GRIN2B: variants seen among roughly 807,000 people sequenced by gnomAD.
GRIN2B encodes the protein glutamate receptor ionotropic, NMDA 2B.
Under a neutral mutation model 114.5 loss-of-function variants are expected in GRIN2B, and 5 were observed. The ratio of observed to expected loss-of-function variants is 0.04; its 90% confidence interval spans 0.02 to 0.09. The LOEUF (loss-of-function observed/expected upper bound fraction) is 0.09. Among genes scored for constraint, GRIN2B ranks in the 10% least tolerant of loss-of-function variants. The probability of loss-of-function intolerance (pLI) is 1.00; values close to 1 mark genes in which losing one functional copy is unlikely to be tolerated. For synonymous variants in GRIN2B, 787 were observed against 745.1 expected (o/e 1.06, Z -0.92); for missense variants, 1,108 against 1,943.5 (o/e 0.57, Z 8.08).
At chr12:13,634,286 C>T (rs988371362) in intron 5 of GRIN2B, 3 of 152,190 alleles carry the variant, frequency 2.0e-5, no homozygotes, top group African/African-American at 7.2e-5. Context: ...TTGAGAAAGA[C>T]GTTATAACTT....
At chr12:13,887,414 GA>G (rs995515627) in intron 2 of GRIN2B, among the ~76,000 whole-genome samples, 3 of 151,224 alleles carry the variant, frequency 2.0e-5, no homozygotes, top group Non-Finnish European at 3.0e-5. Flanking sequence ...ATCTTCACAG[GA>G]AAAAAAAGTT....
chr12:13,693,425 C>T (rs1371102165), intron 4 of GRIN2B, among the ~76,000 whole-genome samples: 1 of 151,850 alleles, frequency 6.6e-6, no homozygotes, highest in East Asian at 1.9e-4. Flanking sequence ...TGGCATATAC[C>T]TTATAGCCCT....
At chr12:13,917,252 C>G (rs563143834) in intron 2 of GRIN2B, among the ~76,000 whole-genome samples, 1 of 152,172 alleles carries the variant, frequency 6.6e-6, no homozygotes, top group African/African-American at 2.4e-5. Context: ...CATAACCCTG[C>G]TAATCAAAAC....
intron 3 of GRIN2B, among the ~76,000 whole-genome samples, chr12:13,757,757 C>T (rs1001345926): frequency 2.0e-5 from 3 of 152,052 alleles, no homozygotes; most frequent in African/African-American, 7.2e-5. Flanking sequence ...GTACACTAGA[C>T]CCTAACAGTC....
intron 10 of GRIN2B, among the ~76,000 whole-genome samples, chr12:13,575,586 G>A (rs1225478331): frequency 6.6e-6 from 1 of 152,084 alleles, no homozygotes. Context: ...TTGAGCCCAG[G>A]AGGTGGAGGT....
rs1948559019 is a variant in GRIN2B at position 13,562,565 on chromosome 12, G to C, written c.*218C>G. 16 of 578,766 alleles carry C rather than the reference G, an allele frequency of 2.8e-5. No individual in the cohort carries two copies. Among genetic ancestry groups the C allele is most frequent in the South Asian group, 1.4e-4 (7 of 48,358 alleles). 35.9% of individuals were successfully genotyped at this position (578,766 alleles called of 1,614,324 possible). A position where few individuals can be genotyped will look rare whatever the true frequency, so the allele number is the denominator to read the frequency against. ...ATGGGAACAGGAATGGCTGACAGCGGGGGGAAGAAGGAGAGAACTGTGAAA... is the reference window on the plus strand; with the variant it reads ...ATGGGAACAGGAATGGCTGACAGCGCGGGGAAGAAGGAGAGAACTGTGAAA... On this transcript the variant is annotated 3_prime_UTR_variant, in exon 14 of 14. Transcript: ENST00000609686.
chr12:13,811,953 A>G (rs1864738129), intron 3 of GRIN2B, among the ~76,000 whole-genome samples: 1 of 152,242 alleles, frequency 6.6e-6, no homozygotes, highest in African/African-American at 2.4e-5. Flanking sequence ...CTGAAACTGC[A>G]TGCAGCATTT....
chr12:13,598,018 C>T (rs1949098106), intron 10 of GRIN2B, among the ~76,000 whole-genome samples: 1 of 152,184 alleles, frequency 6.6e-6, no homozygotes, highest in South Asian at 2.1e-4. Context: ...TGTTCTCCTC[C>T]CACTCTAGGG....
Position 13,616,655 on chromosome 12 carries a change from C to T in GRIN2B, c.1128G>A (p.Val376=). 1 of 1,612,056 alleles carries T rather than the reference C, an allele frequency of 6.2e-7. No individual in the cohort carries two copies. Among genetic ancestry groups the T allele is most frequent in the Non-Finnish European group, 8.5e-7 (1 of 1,178,104 alleles). ...LLNKERKWER[V]GKWKDKSLQM... ...GCAGGGACTTGTCTTTCCACTTCCC[C>T]ACCTGCACAAGGATGAACACAAGAA... is the stretch of plus-strand genomic sequence containing the variant. The change falls in exon 6 of 14, where the codon GTG becomes GTA. Residue 376 remains valine (V), a splice_region_variant and synonymous_variant. Coordinates refer to ENST00000609686, the MANE Select transcript of GRIN2B (RefSeq NM_000834.5).
At chr12:13,661,711 G>A (rs1156384166) in intron 5 of GRIN2B, among the ~76,000 whole-genome samples, 1 of 152,158 alleles carries the variant, frequency 6.6e-6, no homozygotes, top group Admixed American at 6.6e-5. Context: ...ACTTGCAGGG[G>A]GCTGAGATGA....
In GRIN2B at chr12:13,962,089, T is replaced by TACACACACACACACACACACACACACAC. The variant is rs143658576; in HGVS notation, c.-19+17811_-19+17838dup. ...TCTCAGATTCTGTCTCTCTCATACA[T>TACACACACACACACACACACACACACAC]ACACACACACACACACACACACACA... On this transcript the variant is annotated intron_variant, in intron 2 of 13. Transcript: ENST00000609686. Among the ~76,000 whole-genome samples the TACACACACACACACACACACACACACAC allele has an allele frequency of 4.8e-5, 7 of 145,344 alleles. No homozygotes were observed. In the South Asian group the frequency reaches 6.8e-4, roughly 14 times the overall value.
At chr12:13,780,128 TACC>T (rs1864079938) in intron 3 of GRIN2B, among the ~76,000 whole-genome samples, 1 of 152,020 alleles carries the variant, frequency 6.6e-6, no homozygotes, top group African/African-American at 2.4e-5. Flanking sequence ...CCTAGAAGAG[TACC>T]ATACCTTTAC....
chr12:13,591,267 G>A (rs1265691947), intron 10 of GRIN2B, among the ~76,000 whole-genome samples: 13 of 152,198 alleles, frequency 8.5e-5, no homozygotes, highest in Admixed American at 8.5e-4. Flanking sequence ...TGTATTTGTA[G>A]CAGTTTGTGG....
intron 10 of GRIN2B, among the ~76,000 whole-genome samples, chr12:13,581,904 T>C (rs1351023394): frequency 2.5e-4 from 27 of 109,106 alleles, no homozygotes; most frequent in Non-Finnish European, 4.0e-4. Context: ...AGTGAGACTT[T>C]GTCTCAAAAA....
At chr12:13,666,788 G>A (rs1176821552) in intron 5 of GRIN2B, among the ~76,000 whole-genome samples, 5 of 152,074 alleles carry the variant, frequency 3.3e-5, no homozygotes, top group African/African-American at 4.8e-5. Context: ...AAAACTCAAC[G>A]CATAAGATCT....
At chr12:13,971,319 A>C (rs757616921) in intron 2 of GRIN2B, among the ~76,000 whole-genome samples, 16 of 152,228 alleles carry the variant, frequency 1.1e-4, no homozygotes, top group Non-Finnish European at 1.5e-4. Context: ...ACACGGATTC[A>C]TAAATCTGGG....
At chr12:13,887,313 A>T (rs74069222) in intron 2 of GRIN2B, among the ~76,000 whole-genome samples, 1 of 152,244 alleles carries the variant, frequency 6.6e-6, no homozygotes, top group African/African-American at 2.4e-5. Context: ...AAATACATAC[A>T]TTATAAATGT....
intron 3 of GRIN2B, among the ~76,000 whole-genome samples, chr12:13,804,717 CAT>C (rs1864572965): frequency 1.3e-5 from 2 of 152,092 alleles, no homozygotes; most frequent in African/African-American, 4.8e-5. Flanking sequence ...ATATTATATA[CAT>C]TTGGTTATTT....
rs377253506 is a variant in GRIN2B at position 13,898,724 on chromosome 12, C to G, written c.-18-32498G>C. ...GTCAGGAGTTTGAGACCAGCCTGAC[C>G]GACATGGAGAAACCCCATCTCTACT... On this transcript the variant is annotated intron_variant, in intron 2 of 13. Transcript: ENST00000609686. Among the ~76,000 whole-genome samples the G allele has an allele frequency of 3.9e-5, 6 of 152,278 alleles. No homozygotes were observed. The East Asian group carries it at 5.8e-4, about 15-fold the overall frequency.
Sources: gnomAD v4.1 joint callset for allele counts (sites outside exome capture counted in the v4.1 genomes callset) on GRCh38, gnomAD v4.1.1 for gene constraint, MANE v1.5 for transcripts, NCBI Gene and HGNC (gene_info 2026-07-23, HGNC 2026-07-21) for gene names.